LRRC37A3: variants seen among roughly 807,000 people sequenced by gnomAD.
The protein encoded by LRRC37A3 is leucine rich repeat containing 37 member A3, also known as leucine-rich repeat-containing protein 37A3.
Under a neutral mutation model 106.2 loss-of-function variants are expected in LRRC37A3, and 25 were observed. The ratio of observed to expected loss-of-function variants is 0.24; its 90% CI spans 0.17 to 0.33. LRRC37A3 has a LOEUF of 0.33. LRRC37A3 is among the 10% of genes least tolerant of loss of function. The pLI, the probability that LRRC37A3 is intolerant of heterozygous loss-of-function variation, is 1.00. For synonymous variants in LRRC37A3, 305 were observed against 635.8 expected (o/e 0.48, Z 7.83); for missense variants, 712 against 1,644.9 (o/e 0.43, Z 9.81).
chr17:64,890,724 C>T (rs544076147), intron 5 of LRRC37A3, among the ~76,000 whole-genome samples: 64 of 146,688 alleles, frequency 4.4e-4, no homozygotes, highest in South Asian at 2.5e-3. Flanking sequence ...TCCAGCTACG[C>T]GGGAGGCTGA....
Position 64,859,860 on chromosome 17 carries a change from C to A in LRRC37A3, c.4286G>T (p.Gly1429Val), listed in dbSNP as rs1434950824. Reference protein sequence around the residue: ...YNHPPEADSAGTAFNLGPTVK... With the variant: ...YNHPPEADSAVTAFNLGPTVK... ...AGTTGGCCCTAAGTTGAATGCAGTC[C>A]CAGCGGAATCTGCCTCAGGAGGATG... is the stretch of plus-strand genomic sequence containing the variant. Residue 1429 changes from glycine to valine, a missense_variant, in exon 12 of 15, where the codon GGG becomes GTG. Physicochemically the swap from Gly to Val is moderately radical, Grantham distance 109. Transcript: ENST00000584306. 4.3e-6 allele frequency: 7 copies of A among 1,612,422 alleles called. No individual in the cohort carries two copies. The highest frequency in any genetic ancestry group is 1.3e-5 in the African/African-American group (1 of 74,722).
chr17:64,868,059 G>C (rs1973178187), intron 10 of LRRC37A3, among the ~76,000 whole-genome samples: 1 of 151,832 alleles, frequency 6.6e-6, no homozygotes, highest in African/African-American at 2.4e-5. Context: ...GGGTGACAGA[G>C]TGAGATTCCA....
chr17:64,859,907 G>T lies in LRRC37A3; in HGVS notation c.4239C>A (p.Ile1413=). Residue 1413 remains isoleucine (I), a synonymous_variant, in exon 12 of 15, where the codon ATC becomes ATA. Coordinates refer to ENST00000584306, the MANE Select transcript of LRRC37A3 (RefSeq NM_199340.5). ...MENTNMPEGT[I]SENTNYNHPP... ...GATGATTGTAGTTTGTGTTTTCAGA[G>T]ATGGTTCCTTCTGGCATGTTAGTGT... The T allele has an allele frequency of 6.2e-7, 1 of 1,613,706 alleles. No individual in the cohort carries two copies. Among genetic ancestry groups the T allele is most frequent in the Non-Finnish European group, 8.5e-7 (1 of 1,179,866 alleles).
chr17:64,870,220 A>C (rs1032187228), intron 8 of LRRC37A3, among the ~76,000 whole-genome samples: 3 of 151,628 alleles, frequency 2.0e-5, no homozygotes, highest in Non-Finnish European at 4.4e-5. Flanking sequence ...CCTCCCAAGT[A>C]GCTGGGATTA....
In LRRC37A3 at chr17:64,897,156, G is replaced by A. The variant is rs138287203; in HGVS notation, c.102C>T (p.Val34=). The part of the protein sequence containing the change: ...LLMWQLLWLL[V]KEAQPLEWVK... Reference sequence around the variant, plus strand: ...CCCACTCCAGAGGCTGAGCCTCCTTGACTAGTAGCCACAATAGTTGCCACA... The same window carrying A: ...CCCACTCCAGAGGCTGAGCCTCCTTAACTAGTAGCCACAATAGTTGCCACA... Residue 34 remains valine, a synonymous_variant, in exon 4 of 15, where the codon GTC becomes GTT. Coordinates refer to ENST00000584306, the MANE Select transcript of LRRC37A3 (RefSeq NM_199340.5). 4.2e-4 allele frequency: 675 copies of A among 1,608,374 alleles called. 15 individuals carry two copies. The African/African-American group carries it at 8.2e-3, about 19-fold the overall frequency.
intron 13 of LRRC37A3, 93 bp downstream of exon 13, chr17:64,858,686 T>G: frequency 1.1e-6 from 1 of 926,416 alleles, no homozygotes; most frequent in East Asian, 2.5e-5. Context: ...TAGCAGCAGG[T>G]GGGAAAGTGG....
intron 10 of LRRC37A3, among the ~76,000 whole-genome samples, chr17:64,866,226 C>T (rs1973065624): frequency 6.6e-6 from 1 of 151,434 alleles, no homozygotes; most frequent in Non-Finnish European, 1.5e-5. Context: ...GAAAGCTGGT[C>T]GATGAAGGGG....
chr17:64,867,577 G>A (rs574697186), intron 10 of LRRC37A3, among the ~76,000 whole-genome samples: 153 of 151,114 alleles, frequency 1.0e-3, no homozygotes, highest in Non-Finnish European at 1.6e-3. Flanking sequence ...CTAATACAGT[G>A]TAAATGGTAT....
chr17:64,865,787 C>T (rs1438661488), intron 10 of LRRC37A3, among the ~76,000 whole-genome samples: 1 of 152,214 alleles, frequency 6.6e-6, no homozygotes, highest in East Asian at 1.9e-4. Flanking sequence ...GGTCCGTATA[C>T]ACATTTTCAC....
chr17:64,899,509 G>C (rs1271661239), intron 2 of LRRC37A3, among the ~76,000 whole-genome samples: 18 of 142,418 alleles, frequency 1.3e-4, no homozygotes, highest in Admixed American at 4.7e-4. Context: ...CATATATGTG[G>C]TCTACTGTTG....
chr17:64,870,132 C>T (rs1973264632), intron 8 of LRRC37A3, among the ~76,000 whole-genome samples: 1 of 148,812 alleles, frequency 6.7e-6, no homozygotes, highest in Non-Finnish European at 1.5e-5. Flanking sequence ...ACTCTGTCGC[C>T]CAGGCTGGAG....
intron 11 of LRRC37A3, among the ~76,000 whole-genome samples, chr17:64,862,005 C>T (rs995379958): frequency 1.3e-5 from 2 of 151,564 alleles, no homozygotes; most frequent in African/African-American, 4.9e-5. Context: ...CACTAGGCTA[C>T]AGCACTTAGC....
intron 2 of LRRC37A3, among the ~76,000 whole-genome samples, chr17:64,912,338 T>C (rs563833629): frequency 1.3e-5 from 2 of 151,738 alleles, no homozygotes; most frequent in Admixed American, 6.6e-5. Flanking sequence ...AAAGTGTATA[T>C]ATATACACAC....
intron 2 of LRRC37A3, among the ~76,000 whole-genome samples, chr17:64,913,488 G>A (rs1179716814): frequency 6.6e-6 from 1 of 151,936 alleles, no homozygotes; most frequent in African/African-American, 2.4e-5. Flanking sequence ...CTACAGACGT[G>A]TGCCACCACA....
At chr17:64,865,444 A>G (rs192315452) in intron 10 of LRRC37A3, among the ~76,000 whole-genome samples, 4 of 152,290 alleles carry the variant, frequency 2.6e-5, no homozygotes, top group Admixed American at 6.5e-5. Context: ...AATTTTTGTT[A>G]TTCTTTTTCT....
intron 2 of LRRC37A3, among the ~76,000 whole-genome samples, chr17:64,917,078 T>C (rs951781437): frequency 6.6e-6 from 1 of 151,516 alleles, no homozygotes; most frequent in Non-Finnish European, 1.5e-5. Context: ...ACCCCGTCTC[T>C]ACTAAATATA....
chr17:64,862,072 C>T (rs1471128577), intron 11 of LRRC37A3, among the ~76,000 whole-genome samples: 2 of 150,878 alleles, frequency 1.3e-5, no homozygotes, highest in East Asian at 3.9e-4. Context: ...CTTTTCTGCC[C>T]GCTTCTTGGG....
intron 2 of LRRC37A3, among the ~76,000 whole-genome samples, chr17:64,915,799 C>T (rs1230655064): frequency 6.6e-6 from 1 of 152,196 alleles, no homozygotes; most frequent in Non-Finnish European, 1.5e-5. Context: ...ATTCTTACTA[C>T]CCAACAGTAA....
intron 5 of LRRC37A3, among the ~76,000 whole-genome samples, chr17:64,891,088 G>A (rs1482940545): frequency 2.5e-5 from 3 of 121,132 alleles, no homozygotes; most frequent in African/African-American, 1.2e-4. Context: ...TATATACATT[G>A]AAATAATGAT....
Sources: gnomAD v4.1 joint callset for allele counts (sites outside exome capture counted in the v4.1 genomes callset) on GRCh38, gnomAD v4.1.1 for gene constraint, MANE v1.5 for transcripts, NCBI Gene and HGNC (gene_info 2026-07-23, HGNC 2026-07-21) for gene names.